MAD1L1: variants seen among roughly 807,000 people sequenced by gnomAD.
The protein encoded by MAD1L1 is mitotic spindle assembly checkpoint protein MAD1.
Under a neutral mutation model 96.9 loss-of-function variants are expected in MAD1L1, and 95 were observed. The ratio of observed to expected loss-of-function variants is 0.98; its 90% CI spans 0.83 to 1.16. MAD1L1 has a LOEUF of 1.16. Ranked by LOEUF, MAD1L1 falls within the 50% of genes most tolerant of loss-of-function variation. MAD1L1 has a pLI of 0.00. For synonymous variants in MAD1L1, 473 were observed against 396.6 expected (o/e 1.19, Z -2.29); for missense variants, 1,007 against 954.4 (o/e 1.06, Z -0.73).
chr7:1,955,899 C>G (rs1779705194), intron 16 of MAD1L1, among the ~76,000 whole-genome samples: 1 of 147,944 alleles, frequency 6.8e-6, no homozygotes, highest in Non-Finnish European at 1.5e-5. Context: ...CTGATAAGAA[C>G]AGATGAAACG....
intron 11 of MAD1L1, among the ~76,000 whole-genome samples, chr7:2,086,952 T>C (rs1435371832): frequency 6.6e-6 from 1 of 152,206 alleles, no homozygotes; most frequent in East Asian, 1.9e-4. Flanking sequence ...AGTTACAAGC[T>C]GAGTTCAGGA....
intron 11 of MAD1L1, among the ~76,000 whole-genome samples, chr7:2,090,983 C>T (rs758310842): frequency 1.3e-5 from 2 of 152,178 alleles, no homozygotes; most frequent in Non-Finnish European, 1.5e-5. Context: ...CATTGAGTCA[C>T]GCCATCATTT....
rs145289173 is a variant in MAD1L1 at position 1,833,897 on chromosome 7, G to A, written c.1999-17669C>T. ...TGGAAGGCAGAGGTTGCAGTGAGCTGAGATTGCGCCATGCACTCCAGCCTG... is the reference window on the plus strand; with the variant it reads ...TGGAAGGCAGAGGTTGCAGTGAGCTAAGATTGCGCCATGCACTCCAGCCTG... On this transcript the variant is annotated intron_variant, in intron 18 of 18. Transcript: ENST00000265854. 2.0e-5 allele frequency among the ~76,000 whole-genome samples: 3 copies of A among 152,214 alleles called. No individual in the cohort carries two copies. The East Asian group carries it at 5.8e-4, about 29-fold the overall frequency.
intron 18 of MAD1L1, chr7:1,849,068 A>ATGCATGGACACATG (rs879400274): frequency 1.4e-5 from 2 of 144,422 alleles, no homozygotes; most frequent in South Asian, 2.4e-4. Context: ...ACACACACAC[A>ATGCATGGACACATG]CACACAAATG....
At chr7:2,125,499 C>T (rs1788190092) in intron 11 of MAD1L1, among the ~76,000 whole-genome samples, 1 of 152,196 alleles carries the variant, frequency 6.6e-6, no homozygotes, top group Non-Finnish European at 1.5e-5. Context: ...AACAGGGCAT[C>T]TGAGATATCC....
At chr7:1,831,420 C>T (rs1782697779) in intron 18 of MAD1L1, among the ~76,000 whole-genome samples, 1 of 152,150 alleles carries the variant, frequency 6.6e-6, no homozygotes, top group Admixed American at 6.5e-5. Context: ...CTTAGGCCTC[C>T]CCATTTCCTG....
chr7:2,005,865 C>T (rs536650678), intron 13 of MAD1L1, among the ~76,000 whole-genome samples: 8 of 152,282 alleles, frequency 5.3e-5, no homozygotes, highest in Non-Finnish European at 1.0e-4. Flanking sequence ...GCTGCATCTT[C>T]CCAAATGGAT....
At chr7:1,884,712 G>A (rs1325158122) in intron 18 of MAD1L1, among the ~76,000 whole-genome samples, 1 of 152,240 alleles carries the variant, frequency 6.6e-6, no homozygotes, top group African/African-American at 2.4e-5. Flanking sequence ...GGTCCCACAT[G>A]GGAAGACTGT....
chr7:2,168,943 C>T (rs908871282), intron 10 of MAD1L1, among the ~76,000 whole-genome samples: 8 of 152,260 alleles, frequency 5.3e-5, no homozygotes, highest in African/African-American at 1.4e-4. Flanking sequence ...GGGAGGAACA[C>T]GCGCTCGGAC....
chr7:2,205,798 A>G (rs1199649302), intron 10 of MAD1L1, among the ~76,000 whole-genome samples: 1 of 152,124 alleles, frequency 6.6e-6, no homozygotes, highest in Non-Finnish European at 1.5e-5. Flanking sequence ...CCATCTTTTC[A>G]TGTCCTTATT....
At chr7:1,925,815 C>CT (rs1468879378) in intron 17 of MAD1L1, among the ~76,000 whole-genome samples, 1 of 152,194 alleles carries the variant, frequency 6.6e-6, no homozygotes, top group Non-Finnish European at 1.5e-5. Flanking sequence ...ACACGGAACG[C>CT]TTACGTTGGA....
intron 11 of MAD1L1, among the ~76,000 whole-genome samples, chr7:2,135,375 C>T (rs559006403): frequency 8.5e-5 from 13 of 152,216 alleles, no homozygotes; most frequent in Non-Finnish European, 1.5e-4. Flanking sequence ...AATGCCATTC[C>T]TCTCACTGTC....
chr7:2,156,313 A>T (rs531335447), intron 10 of MAD1L1, among the ~76,000 whole-genome samples: 1 of 146,090 alleles, frequency 6.8e-6, no homozygotes, highest in African/African-American at 2.6e-5. Flanking sequence ...AGGGCAGTGG[A>T]TGCATGGTTT....
intron 18 of MAD1L1, among the ~76,000 whole-genome samples, chr7:1,871,813 C>A (rs1331918181): frequency 6.6e-6 from 1 of 152,234 alleles, no homozygotes; most frequent in Non-Finnish European, 1.5e-5. Flanking sequence ...GCGGTGCAGG[C>A]TTCCCCGGAG....
intron 13 of MAD1L1, among the ~76,000 whole-genome samples, chr7:2,005,313 G>C (rs1781983899): frequency 6.6e-6 from 1 of 152,184 alleles, no homozygotes; most frequent in Non-Finnish European, 1.5e-5. Context: ...ACGGGGTCCT[G>C]TGTGACCCAG....
At chr7:1,987,292 T>A (rs571433188) in intron 14 of MAD1L1, among the ~76,000 whole-genome samples, 20 of 152,132 alleles carry the variant, frequency 1.3e-4, no homozygotes, top group Non-Finnish European at 2.1e-4. Flanking sequence ...TAGGGCCCCA[T>A]TGCCAGCACA....
At chr7:2,167,484 G>C (rs1175831763) in intron 10 of MAD1L1, among the ~76,000 whole-genome samples, 2 of 152,110 alleles carry the variant, frequency 1.3e-5, no homozygotes, top group African/African-American at 4.8e-5. Context: ...GGGAGGCGGA[G>C]CTTGCAGTGA....
chr7:2,086,103 C>T (rs1475981054), intron 11 of MAD1L1, among the ~76,000 whole-genome samples: 1 of 152,220 alleles, frequency 6.6e-6, no homozygotes, highest in Admixed American at 6.5e-5. Context: ...CCCGTCACCT[C>T]CCTCCCTCCT....
intron 16 of MAD1L1, among the ~76,000 whole-genome samples, chr7:1,938,381 C>CAA (rs1276014376): frequency 6.6e-6 from 1 of 151,996 alleles, no homozygotes; most frequent in African/African-American, 2.4e-5. Flanking sequence ...ACAGGTTACT[C>CAA]AAACAGGGTT....
Sources: allele counts gnomAD v4.1 joint callset (sites outside exome capture counted in the v4.1 genomes callset), GRCh38; gene constraint gnomAD v4.1.1; transcripts MANE v1.5; gene names NCBI Gene and HGNC (gene_info 2026-07-23, HGNC 2026-07-21).